The following PDE4D variants were observed in gnomAD, a reference collection of about 807,000 sequenced individuals.
PDE4D encodes the protein phosphodiesterase 4D, also known as 3',5'-cyclic-AMP phosphodiesterase 4D.
Under a neutral mutation model 87.4 loss-of-function variants are expected in PDE4D, and 24 were observed. That is an observed-to-expected ratio of 0.27 (90% CI 0.20 to 0.39). The LOEUF (loss-of-function observed/expected upper bound fraction) is 0.39. PDE4D is among the 10% of genes least tolerant of loss of function. The pLI is 1.00. For synonymous variants in PDE4D, 384 were observed against 383.2 expected, an observed-to-expected ratio of 1.00 and a Z score of -0.02; for missense variants, 714 against 1,041.0, an observed-to-expected ratio of 0.69 and a Z score of 4.32.
chr5:59,312,247 C>T (rs1772833718), intron 1 of PDE4D, among the ~76,000 whole-genome samples: 1 of 152,210 alleles, frequency 6.6e-6, no homozygotes, highest in South Asian at 2.1e-4. Context: ...CCCAAATTGG[C>T]TCTTACATTT....
intron 3 of PDE4D, among the ~76,000 whole-genome samples, chr5:59,954,679 G>A (rs4700347): frequency 0.85 from 128,942 of 152,144 alleles, 54,711 homozygotes; most frequent in East Asian, 0.97. Context: ...TTACCTTTCA[G>A]GATATCCCTA....
intron 1 of PDE4D, among the ~76,000 whole-genome samples, chr5:60,320,253 G>C (rs149597462): frequency 0.019 from 2,956 of 152,342 alleles, 80 homozygotes; most frequent in African/African-American, 0.068. Flanking sequence ...CAATGAGCAA[G>C]GCTCCGTGGG....
At chr5:60,405,846 A>G (rs1349523679) in intron 1 of PDE4D, among the ~76,000 whole-genome samples, 2 of 152,178 alleles carry the variant, frequency 1.3e-5, no homozygotes, top group Non-Finnish European at 2.9e-5. Context: ...TTGCTCAAGA[A>G]CACAAAGGAA....
chr5:59,405,210 G>C (rs528506095), intron 1 of PDE4D, among the ~76,000 whole-genome samples: 1 of 152,264 alleles, frequency 6.6e-6, no homozygotes, highest in East Asian at 1.9e-4. Flanking sequence ...TCCAATCCAT[G>C]AACATGAAAT....
intron 1 of PDE4D, among the ~76,000 whole-genome samples, chr5:59,743,785 CTTTA>C: frequency 6.6e-6 from 1 of 152,224 alleles, no homozygotes; most frequent in South Asian, 2.1e-4. Context: ...TCCAAATATT[CTTTA>C]TTTCCTTTCA....
At chr5:59,149,619 A>C (rs1420219008) in intron 5 of PDE4D, among the ~76,000 whole-genome samples, 1 of 148,130 alleles carries the variant, frequency 6.8e-6, no homozygotes, top group East Asian at 2.1e-4. Flanking sequence ...TTAAGATTTT[A>C]GTGTTGGTTC....
chr5:59,408,789 C>T lies in PDE4D; in HGVS notation c.456-192821G>A, dbSNP rs7711648. Among the ~76,000 whole-genome samples, 1,231 of 152,232 alleles carry T rather than the reference C, an allele frequency of 8.1e-3. 14 individuals are homozygous for T. The highest frequency in any genetic ancestry group is 0.029 in the African/African-American group (1,193 of 41,548). On this transcript the variant is annotated intron_variant, in intron 1 of 14. Coordinates refer to ENST00000340635, the MANE Select transcript of PDE4D (RefSeq NM_001104631.2). ...AGAACTTTAAGATTTAATGACTGTC[C>T]TGTTGTGTTTCAGACTTGGGTGGGG...
chr5:60,331,060 C>CA (rs1188474635), intron 1 of PDE4D, among the ~76,000 whole-genome samples: 2 of 152,158 alleles, frequency 1.3e-5, no homozygotes, highest in African/African-American at 4.8e-5. Flanking sequence ...AGTTACTCAG[C>CA]AAATATTTAT....
intron 1 of PDE4D, among the ~76,000 whole-genome samples, chr5:59,249,241 G>A (rs1209448365): frequency 6.6e-6 from 1 of 151,948 alleles, no homozygotes; most frequent in Non-Finnish European, 1.5e-5. Context: ...TAGTCCAAAA[G>A]TGTTAAGTAA....
At chr5:59,032,780 C>A (rs1016102922) in intron 6 of PDE4D, among the ~76,000 whole-genome samples, 1 of 152,120 alleles carries the variant, frequency 6.6e-6, no homozygotes, top group African/African-American at 2.4e-5. Flanking sequence ...TGCTAATGCA[C>A]CAAACGGAGC....
chr5:59,606,969 T>C (rs1289585048), intron 1 of PDE4D, among the ~76,000 whole-genome samples: 1 of 152,114 alleles, frequency 6.6e-6, no homozygotes, highest in Non-Finnish European at 1.5e-5. Flanking sequence ...TATAATTTAC[T>C]GATTTCATAT....
At chr5:59,365,899 A>G (rs1420511071) in intron 1 of PDE4D, among the ~76,000 whole-genome samples, 2 of 152,214 alleles carry the variant, frequency 1.3e-5, no homozygotes, top group Admixed American at 1.3e-4. Context: ...AAAAATAAGC[A>G]TGCCTTAGTA....
intron 1 of PDE4D, among the ~76,000 whole-genome samples, chr5:59,782,487 T>C (rs1486563111): frequency 6.6e-6 from 1 of 152,206 alleles, no homozygotes; most frequent in African/African-American, 2.4e-5. Context: ...TATATTACTT[T>C]TATATGGAAC....
chr5:60,030,946 T>C (rs1171011578), intron 2 of PDE4D: 2 of 152,186 alleles, frequency 1.3e-5, no homozygotes, highest in Non-Finnish European at 2.9e-5. Context: ...CCACTGCAAT[T>C]TTTATGATTT....
At chr5:59,330,350 T>C (rs911573142) in intron 1 of PDE4D, among the ~76,000 whole-genome samples, 3 of 152,148 alleles carry the variant, frequency 2.0e-5, no homozygotes, top group African/African-American at 7.2e-5. Flanking sequence ...CCTTTCACAT[T>C]AGTGAGATCG....
intron 1 of PDE4D, among the ~76,000 whole-genome samples, chr5:60,333,528 G>A (rs774751007): frequency 6.6e-6 from 1 of 152,170 alleles, no homozygotes; most frequent in Non-Finnish European, 1.5e-5. Flanking sequence ...ACAAGCCCAC[G>A]TGGAGGCTCA....
intron 1 of PDE4D, among the ~76,000 whole-genome samples, chr5:59,676,837 T>C (rs1401984996): frequency 6.6e-6 from 1 of 152,146 alleles, no homozygotes; most frequent in Admixed American, 6.5e-5. Flanking sequence ...TTAACTATAG[T>C]CATACTATAG....
intron 1 of PDE4D, among the ~76,000 whole-genome samples, chr5:60,207,572 T>A (rs1742695617): frequency 6.6e-6 from 1 of 152,226 alleles, no homozygotes; most frequent in South Asian, 2.1e-4. Context: ...AAAAAGATGT[T>A]CAGAATTTCA....
intron 1 of PDE4D, among the ~76,000 whole-genome samples, chr5:59,439,793 C>T (rs927062796): frequency 6.6e-6 from 1 of 152,098 alleles, no homozygotes; most frequent in African/African-American, 2.4e-5. Flanking sequence ...GACTGAGAGG[C>T]TGGTCTTCCT....
Sources: gnomAD v4.1 joint callset for allele counts (sites outside exome capture counted in the v4.1 genomes callset) on GRCh38, gnomAD v4.1.1 for gene constraint, MANE v1.5 for transcripts, NCBI Gene and HGNC (gene_info 2026-07-23, HGNC 2026-07-21) for gene names.